UGT1A6: variants seen among roughly 807,000 people sequenced by gnomAD.
The protein encoded by UGT1A6 is UDP-glucuronosyltransferase 1A6.
UGT1A6 carries 32 observed loss-of-function variants against 44.4 expected under a neutral mutation model. That is an observed-to-expected ratio of 0.72 (90% confidence interval 0.54 to 0.97). The LOEUF (loss-of-function observed/expected upper bound fraction) is 0.97. Ranked by LOEUF, UGT1A6 falls within the 50% of genes least tolerant of loss-of-function variation. The pLI is 0.00. For synonymous variants in UGT1A6, 238 were observed against 248.5 expected, an observed-to-expected ratio of 0.96 and a Z score of 0.40; for missense variants, 685 against 661.9, an observed-to-expected ratio of 1.03 and a Z score of -0.38.
chr2:233,761,060 G>A, intron 1 of UGT1A6: 1 of 1,614,212 alleles, frequency 6.2e-7, no homozygotes, highest in Non-Finnish European at 8.5e-7. Flanking sequence ...CTGTTTAGAA[G>A]TGACTTTGTG....
intron 1 of UGT1A6, among the ~76,000 whole-genome samples, chr2:233,748,243 C>G (rs570859275): frequency 6.6e-6 from 1 of 151,666 alleles, no homozygotes; most frequent in Non-Finnish European, 1.5e-5. Context: ...TCTCTAGTAG[C>G]GTATTTCAGG....
intron 1 of UGT1A6, chr2:233,713,168 G>A (rs773495849): frequency 1.2e-6 from 2 of 1,614,212 alleles, no homozygotes; most frequent in South Asian, 2.2e-5. Flanking sequence ...ACCAGGTGGT[G>A]GTCCTCACCC....
upstream of UGT1A6, chr2:233,692,374 T>C (rs932827804): frequency 6.5e-6 from 1 of 155,020 alleles, no homozygotes. Flanking sequence ...TAGCAAATGA[T>C]TGACTCCAAG....
At chr2:233,743,809 AGGGTTTTTGTC>A in intron 1 of UGT1A6, 1 of 1,367,146 alleles carries the variant, frequency 7.3e-7, no homozygotes, top group Non-Finnish European at 9.8e-7. Context: ...CCTTGTTCTC[AGGGTTTTTGTC>A]GGGGTGCCAC....
chr2:233,695,766 G>C (rs2125565233), intron 1 of UGT1A6, among the ~76,000 whole-genome samples: 1 of 152,106 alleles, frequency 6.6e-6, no homozygotes, highest in South Asian at 2.1e-4. Context: ...CCTTTTTTAT[G>C]GCTGAATAAT....
intron 1 of UGT1A6, chr2:233,719,466 T>C (rs2076769813): frequency 6.2e-7 from 1 of 1,614,004 alleles, no homozygotes; most frequent in South Asian, 1.1e-5. Flanking sequence ...GAACATGCTC[T>C]ACCCTCTGGC....
At chr2:233,702,860 C>G (rs1007484594) in intron 1 of UGT1A6, among the ~76,000 whole-genome samples, 6 of 152,102 alleles carry the variant, frequency 3.9e-5, no homozygotes, top group Non-Finnish European at 7.4e-5. Flanking sequence ...TTTGGTTTGA[C>G]AGCATTTTAT....
intron 1 of UGT1A6, among the ~76,000 whole-genome samples, chr2:233,757,972 C>G (rs768947894): frequency 2.6e-4 from 40 of 152,096 alleles, no homozygotes; most frequent in Non-Finnish European, 3.4e-4. Context: ...TTTCTCAGCC[C>G]CTAGAGCACC....
chr2:233,749,920 A>G (rs1428594546), intron 1 of UGT1A6, among the ~76,000 whole-genome samples: 1 of 151,914 alleles, frequency 6.6e-6, no homozygotes, highest in Non-Finnish European at 1.5e-5. Flanking sequence ...CTGTGAGTCA[A>G]TTAAAGCTCT....
Position 233,757,136 on chromosome 2 carries a change from G to A in UGT1A6, c.862-9898G>A, listed in dbSNP as rs10929302. Among the ~76,000 whole-genome samples, 45,076 of 150,450 alleles carry A rather than the reference G, an allele frequency of 0.3. 6,849 individuals carry two copies. The highest frequency in any genetic ancestry group is 0.39 in the South Asian group (1,811 of 4,692). ...AGGGCTAGAGAGGAGGAATGAGCTT[G>A]GACAGGTGGGCTGGGGTCTATCCCA... On this transcript the variant is annotated intron_variant, in intron 1 of 4. Transcript: ENST00000305139.
At chr2:233,709,179 T>C (rs1190184795) in intron 1 of UGT1A6, among the ~76,000 whole-genome samples, 1 of 152,148 alleles carries the variant, frequency 6.6e-6, no homozygotes, top group African/African-American at 2.4e-5. Context: ...TGTTCTATCC[T>C]GAGCTGGGAG....
At chr2:233,736,815 C>T (rs924470141) in intron 1 of UGT1A6, among the ~76,000 whole-genome samples, 1 of 152,206 alleles carries the variant, frequency 6.6e-6, no homozygotes, top group African/African-American at 2.4e-5. Context: ...GAGGTCCACT[C>T]CAGATGCTCT....
chr2:233,727,033 A>G (rs2077579512), intron 1 of UGT1A6, among the ~76,000 whole-genome samples: 1 of 152,190 alleles, frequency 6.6e-6, no homozygotes, highest in Admixed American at 6.5e-5. Flanking sequence ...ACCCTAAGGA[A>G]TCTTTACCCC....
rs568090687 is a variant in UGT1A6, at chr2:233,760,533, A to G, written c.862-6501A>G. 23 of 1,614,268 alleles carry G rather than the reference A, an allele frequency of 1.4e-5. No homozygotes were observed. The South Asian group carries it at 2.2e-4, about 15-fold the overall frequency. On this transcript the variant is annotated intron_variant, in intron 1 of 4. Coordinates refer to ENST00000305139, the MANE Select transcript of UGT1A6 (RefSeq NM_001072.4). ...ACACCTTGAAGACGTACCCTGTGCC[A>G]TTCCAAAGGGAGGATGTGAAAGAGT... is the stretch of plus-strand genomic sequence containing the variant.
rs2075129505 is a variant in UGT1A6, at chr2:233,693,053, T to C, written c.49T>C (p.Phe17Leu). The change falls in exon 1 of 5, where the codon TTC (phenylalanine) becomes CTC (leucine). Residue 17 changes from phenylalanine to leucine, a missense_variant. Phe to Leu is a conservative substitution (Grantham distance 22). Transcript: ENST00000305139. ...SFQRISAGVF[F>L]LALWGMVVGD... The stretch of plus-strand genomic sequence containing the variant: ...TCAGAGAATTTCTGCAGGGGTTTTC[T>C]TCTTAGCACTTTGGGGCATGGTTGT... 6.2e-7 allele frequency: 1 copy of C among 1,614,086 alleles called. No homozygotes were observed. The highest frequency in any genetic ancestry group is 1.3e-5 in the African/African-American group (1 of 74,924).
chr2:233,725,175 T>C (rs1280099835), intron 1 of UGT1A6, among the ~76,000 whole-genome samples: 1 of 81,992 alleles, frequency 1.2e-5, no homozygotes, highest in African/African-American at 7.9e-5. Context: ...AGGGAGACCG[T>C]GGGGAGAGGC....
intron 1 of UGT1A6, among the ~76,000 whole-genome samples, chr2:233,727,580 T>C (rs17863793): frequency 3.9e-5 from 6 of 152,020 alleles, no homozygotes; most frequent in African/African-American, 1.4e-4. Flanking sequence ...TTAGGAAGCA[T>C]ATAGTTTTAA....
chr2:233,703,805 ATC>A (rs199842115), intron 1 of UGT1A6, among the ~76,000 whole-genome samples: 4 of 137,188 alleles, frequency 2.9e-5, no homozygotes, highest in East Asian at 1.9e-4. Context: ...CAGTCTGATA[ATC>A]TCTGTCTTTT....
chr2:233,699,261 T>C (rs1175214024), intron 1 of UGT1A6, among the ~76,000 whole-genome samples: 4 of 152,162 alleles, frequency 2.6e-5, no homozygotes, highest in Non-Finnish European at 2.9e-5. Context: ...CCTCTTCCTA[T>C]AGGGGCTTGA....
Sources: gnomAD v4.1 joint callset for allele counts (sites outside exome capture counted in the v4.1 genomes callset) on GRCh38, gnomAD v4.1.1 for gene constraint, MANE v1.5 for transcripts, NCBI Gene and HGNC (gene_info 2026-07-23, HGNC 2026-07-21) for gene names.